Variants in GARNL3 observed in about 807,000 individuals in gnomAD.
The protein encoded by GARNL3 is GTPase activating Rap/RanGAP domain like 3.
Under a neutral mutation model 125.0 loss-of-function variants are expected in GARNL3, and 63 were observed. The observed-to-expected ratio is 0.50, with a 90% CI of 0.41 to 0.62. GARNL3 has a LOEUF of 0.62. GARNL3 is among the 20% of genes least tolerant of loss of function. The pLI, the probability that GARNL3 is intolerant of heterozygous loss-of-function variation, is 0.00. For synonymous variants in GARNL3, 439 were observed against 457.5 expected (o/e 0.96, Z 0.52); for missense variants, 994 against 1,244.0 (o/e 0.80, Z 3.02).
In GARNL3 at chr9:127,383,473, G is replaced by T. The variant is rs1248064691; in HGVS notation, c.2197G>T (p.Gly733Cys). 6.2e-7 allele frequency: 1 copy of T among 1,613,346 alleles called. No individual in the cohort carries two copies. The highest frequency in any genetic ancestry group is 1.3e-5 in the African/African-American group (1 of 75,002). ...CIYKKVCPFNGGSFLVQPSAS... is the reference protein window; with the variant it reads ...CIYKKVCPFNCGSFLVQPSAS... ...CTATAAAAAGGTTTGCCCCTTTAAT[G>T]GTGGCTCTTTTTTGGTTCAACCTTC... The change falls in exon 23 of 28, where the codon GGT becomes TGT. Residue 733 changes from glycine to cysteine, a missense_variant. By Grantham distance (159) the Gly-to-Cys change is radical. Coordinates refer to ENST00000373387, the MANE Select transcript of GARNL3 (RefSeq NM_032293.5).
At chr9:127,362,134 G>A (rs1005716964) in intron 21 of GARNL3, 2 of 146,270 alleles carry the variant, frequency 1.4e-5, no homozygotes, top group African/African-American at 2.6e-5. Context: ...TGCAAGGCAC[G>A]ATCTTGGCTC....
rs1832475566 is a variant in GARNL3 at position 127,385,135 on chromosome 9, T to C, written c.2378T>C (p.Val793Ala). ...HTAVVPQLQLVASRSDIYFTA... is the reference protein window; with the variant it reads ...HTAVVPQLQLAASRSDIYFTA... ...GCAGTCGTGCCGCAGCTGCAGCTGG[T>C]GGCCTCCAGGGTGAGTAGGACTGGG... Residue 793 changes from valine (V) to alanine (A), a missense_variant, in exon 24 of 28, where the codon GTG becomes GCG. Val to Ala is a moderately conservative substitution (Grantham distance 64, BLOSUM62 0). Around this residue, in one of 5 missense-constraint regions of GARNL3, gnomAD observed 728 missense variants for 865.7 expected, o/e 0.84. Coordinates refer to ENST00000373387, the MANE Select transcript of GARNL3 (RefSeq NM_032293.5). This position sits in a 1 kb window ranked among gnomAD's most constrained non-coding sequence, Gnocchi z 4.1. The C allele has an allele frequency of 6.2e-7, 1 of 1,602,358 alleles. No homozygotes were observed. Among genetic ancestry groups the C allele is most frequent in the Non-Finnish European group, 8.5e-7 (1 of 1,172,606 alleles).
intron 19 of GARNL3, among the ~76,000 whole-genome samples, chr9:127,355,002 A>G (rs1372940461): frequency 6.6e-6 from 1 of 152,240 alleles, no homozygotes; most frequent in Non-Finnish European, 1.5e-5. Context: ...CAAGTTGGCC[A>G]GGCTGGTCTC....
chr9:127,366,038 A>G (rs1156886918), intron 22 of GARNL3, among the ~76,000 whole-genome samples: 3 of 152,200 alleles, frequency 2.0e-5, no homozygotes, highest in Non-Finnish European at 4.4e-5. Flanking sequence ...ATACATTTTC[A>G]TAAAAATGAT....
chr9:127,275,209 T>C (rs1264918245), intron 1 of GARNL3, among the ~76,000 whole-genome samples: 1 of 152,250 alleles, frequency 6.6e-6, no homozygotes, highest in African/African-American at 2.4e-5. Flanking sequence ...CCCTCAAAAC[T>C]GTGGTATTCA....
intron 6 of GARNL3, 34 bp from the exon 7 acceptor site, chr9:127,325,035 G>A: frequency 6.2e-7 from 1 of 1,601,580 alleles, no homozygotes; most frequent in South Asian, 1.1e-5. Flanking sequence ...TTACTGTTAT[G>A]CCTGGATGTA....
At chr9:127,256,819 G>A (rs2063503204) in intron 2 of GARNL3, among the ~76,000 whole-genome samples, 1 of 152,216 alleles carries the variant, frequency 6.6e-6, no homozygotes, top group Non-Finnish European at 1.5e-5. Context: ...GCAGGAAATT[G>A]ATGTTGATAC....
intron 2 of GARNL3, among the ~76,000 whole-genome samples, chr9:127,256,412 A>G (rs992944790): frequency 1.3e-5 from 2 of 152,206 alleles, no homozygotes; most frequent in African/African-American, 4.8e-5. Context: ...CTACTGACGA[A>G]GGGGATAAAA....
chr9:127,241,675 C>T (rs1017917051), intron 1 of GARNL3, among the ~76,000 whole-genome samples: 2 of 152,084 alleles, frequency 1.3e-5, no homozygotes, highest in Non-Finnish European at 2.9e-5. Flanking sequence ...ACAAAGGGGA[C>T]AGGTAGGAGG....
In GARNL3 at chr9:127,274,005, C is replaced by G. The variant is rs2063890180; in HGVS notation, c.144+8984C>G. ...GATTTTTCCTTGTTCTGAGTGTGCT[C>G]AGTATCTCATTTTATCCTTTAAGTA... On this transcript the variant is annotated intron_variant, in intron 1 of 27. Coordinates refer to ENST00000373387, the MANE Select transcript of GARNL3 (RefSeq NM_032293.5). Among the ~76,000 whole-genome samples the G allele has an allele frequency of 3.9e-5, 6 of 152,268 alleles. No individual in the cohort carries two copies. In the South Asian group the frequency reaches 1.2e-3, roughly 32 times the overall value.
chr9:127,294,454 C>A (rs2064523337), intron 2 of GARNL3, among the ~76,000 whole-genome samples: 1 of 152,150 alleles, frequency 6.6e-6, no homozygotes, highest in Non-Finnish European at 1.5e-5. Context: ...CAGGTGTGAG[C>A]CACCATGCCT....
intron 22 of GARNL3, among the ~76,000 whole-genome samples, chr9:127,371,350 G>GCCTCTGCCTT (rs550764384): frequency 6.6e-6 from 1 of 152,196 alleles, no homozygotes; most frequent in African/African-American, 2.4e-5. Context: ...TCCCAAGCCA[G>GCCTCTGCCTT]CCTCTGCCTT....
chr9:127,352,721 A>G (rs1264093989), intron 17 of GARNL3, among the ~76,000 whole-genome samples: 1 of 152,110 alleles, frequency 6.6e-6, no homozygotes, highest in Non-Finnish European at 1.5e-5. Flanking sequence ...TCCTCTCCCC[A>G]CTGTGGGGGC....
At chr9:127,339,114 G>A (rs915075372) in intron 12 of GARNL3, among the ~76,000 whole-genome samples, 7 of 151,784 alleles carry the variant, frequency 4.6e-5, no homozygotes, top group Non-Finnish European at 7.4e-5. Flanking sequence ...TGGCTAACAC[G>A]ATGAAACCCC....
intron 22 of GARNL3, among the ~76,000 whole-genome samples, chr9:127,375,467 G>GAAA (rs1176190521): frequency 3.6e-4 from 28 of 78,076 alleles, no homozygotes; most frequent in African/African-American, 9.9e-4. Flanking sequence ...CTCTGTCTCA[G>GAAA]AAAAAAAAAA....
intron 2 of GARNL3, among the ~76,000 whole-genome samples, chr9:127,245,760 A>G (rs1055116288): frequency 3.9e-5 from 6 of 152,234 alleles, no homozygotes; most frequent in African/African-American, 7.2e-5. Context: ...CCAATGAGAT[A>G]GGTGCTGTTA....
chr9:127,305,640 A>G (rs2064932245), intron 2 of GARNL3, among the ~76,000 whole-genome samples: 1 of 151,892 alleles, frequency 6.6e-6, no homozygotes, highest in African/African-American at 2.4e-5. Context: ...TATCACTATC[A>G]TGGCTCACTG....
chr9:127,280,483 G>T lies in GARNL3; in HGVS notation c.145-10685G>T, dbSNP rs2064074877. On this transcript the variant is annotated intron_variant, in intron 1 of 27. Coordinates refer to ENST00000373387, the MANE Select transcript of GARNL3 (RefSeq NM_032293.5). The surrounding 1 kb of genome is among the most constrained non-coding windows in gnomAD (Gnocchi z 4.5). ...TGTCTCTTAGCTAAAATTAGATGGTGTGGGGAAGATTAAAGTGCCTTCCAA... is the reference window on the plus strand; with the variant it reads ...TGTCTCTTAGCTAAAATTAGATGGTTTGGGGAAGATTAAAGTGCCTTCCAA... Among the ~76,000 whole-genome samples, 1 of 152,200 alleles carries T rather than the reference G, an allele frequency of 6.6e-6. No homozygotes were observed. Among genetic ancestry groups the T allele is most frequent in the Non-Finnish European group, 1.5e-5 (1 of 68,040 alleles).
chr9:127,354,445 G>GTTT (rs374579226), intron 19 of GARNL3, 35 bp downstream of exon 19: 20 of 1,051,106 alleles, frequency 1.9e-5, no homozygotes, highest in South Asian at 8.0e-5. Flanking sequence ...CATTCGATTC[G>GTTT]TTTTTTTTTT....
Sources: allele counts gnomAD v4.1 joint callset (sites outside exome capture counted in the v4.1 genomes callset), GRCh38; gene constraint gnomAD v4.1.1; regional missense constraint gnomAD v4.1.1; non-coding constraint Gnocchi (gnomAD v3.1); transcripts MANE v1.5; gene names NCBI Gene and HGNC (gene_info 2026-07-23, HGNC 2026-07-21).